Variants in CYP3A5 observed in about 807,000 individuals in gnomAD.
CYP3A5 encodes cytochrome P450 family 3 subfamily A member 5, also known as cytochrome P450 3A5.
CYP3A5 carries 51 observed loss-of-function variants against 55.9 expected under a neutral mutation model. The ratio of observed to expected loss-of-function variants is 0.91; its 90% CI spans 0.73 to 1.15. The LOEUF (loss-of-function observed/expected upper bound fraction) is 1.15, where lower values mean the gene tolerates loss of function less well. Among genes scored for constraint, CYP3A5 ranks in the 50% most tolerant of loss-of-function variants. The pLI, the probability that CYP3A5 is intolerant of heterozygous loss-of-function variation, is 0.00. For missense variants in CYP3A5, 533 were observed against 596.6 expected (o/e 0.89, Z 1.11); for synonymous variants, 196 against 213.9 (o/e 0.92, Z 0.73).
chr7:99,670,889 C>T (rs898316492), intron 4 of CYP3A5: 9 of 152,078 alleles, frequency 5.9e-5, no homozygotes, highest in African/African-American at 1.9e-4. Flanking sequence ...TCAAGTACCC[C>T]ACTAGTTTTA....
rs774576724 is a variant in CYP3A5, at chr7:99,672,710, T to G, written c.219-31A>C. On this transcript the variant is annotated intron_variant, in intron 3 of 12. Coordinates refer to ENST00000222982, the MANE Select transcript of CYP3A5 (RefSeq NM_000777.5). ...TGGGGACAACGGAGCTGATTAAACT[T>G]CACTAGCCCGATTCTGCAGCTGGAG... is the stretch of plus-strand genomic sequence containing the variant. The G allele has an allele frequency of 4.3e-6, 7 of 1,612,442 alleles. No individual in the cohort carries two copies. In the South Asian group the frequency reaches 7.7e-5, roughly 18 times the overall value.
At chr7:99,660,143 T>A in intron 10 of CYP3A5, 1 of 809,960 alleles carries the variant, frequency 1.2e-6, no homozygotes, top group Non-Finnish European at 1.5e-6. Flanking sequence ...AAATCATTCG[T>A]CTTCTGTGTT....
intron 10 of CYP3A5, among the ~76,000 whole-genome samples, chr7:99,655,418 G>A (rs1809609417): frequency 6.6e-6 from 1 of 152,186 alleles, no homozygotes; most frequent in Non-Finnish European, 1.5e-5. Context: ...TCAGGGCTCT[G>A]TTCTGCTCCA....
intron 11 of CYP3A5, among the ~76,000 whole-genome samples, chr7:99,651,758 G>C (rs902755883): frequency 6.6e-6 from 1 of 152,204 alleles, no homozygotes; most frequent in Admixed American, 6.5e-5. Context: ...TCCAGAGTGC[G>C]AACTGTGCCT....
intron 3 of CYP3A5, 155 bp from the exon 4 acceptor site, chr7:99,672,834 GAC>G: frequency 6.9e-7 from 1 of 1,456,066 alleles, no homozygotes; most frequent in Non-Finnish European, 9.1e-7. Flanking sequence ...ATTAGGGTGT[GAC>G]ACACAGCAAG....
chr7:99,663,890 A>G (rs1397910787), intron 8 of CYP3A5, 78 bp downstream of exon 8: 14 of 1,482,010 alleles, frequency 9.4e-6, no homozygotes, highest in Middle Eastern at 5.0e-4. Flanking sequence ...AAAAATACAG[A>G]TACATGCTCT....
In CYP3A5 at chr7:99,653,703, C is replaced by G. The variant is rs556036970; in HGVS notation, c.1027-924G>C. On this transcript the variant is annotated intron_variant, in intron 10 of 12. Transcript: ENST00000222982. The surrounding 1 kb of genome is among the most constrained non-coding windows in gnomAD (Gnocchi z 4.2). ...GGATGTAAATGTCCCTTTGTGTCTGCCTCACAGCCACACCAGGGTCAGCCC... is the reference window on the plus strand; with the variant it reads ...GGATGTAAATGTCCCTTTGTGTCTGGCTCACAGCCACACCAGGGTCAGCCC... Among the ~76,000 whole-genome samples the G allele has an allele frequency of 2.6e-5, 4 of 152,256 alleles. No homozygotes were observed. The highest frequency in any genetic ancestry group is 5.9e-5 in the Non-Finnish European group (4 of 68,016).
At chr7:99,677,213 C>T (rs878867258) in intron 1 of CYP3A5, 3 of 985,308 alleles carry the variant, frequency 3.0e-6, no homozygotes, top group Non-Finnish European at 3.6e-6. Context: ...GACCTTCCCC[C>T]TCCGGTGTGA....
At chr7:99,679,729 A>G (rs1812652446) in intron 1 of CYP3A5, 97 bp downstream of exon 1, 1 of 1,167,276 alleles carries the variant, frequency 8.6e-7, no homozygotes, top group African/African-American at 1.5e-5. Flanking sequence ...TTCTCCTTGA[A>G]CATCTCTTTT....
intron 4 of CYP3A5, 108 bp downstream of exon 4, chr7:99,672,472 C>A (rs1424128652): frequency 2.1e-6 from 2 of 949,636 alleles, no homozygotes; most frequent in African/African-American, 3.3e-5. Flanking sequence ...TACATGGAAC[C>A]TTCCTGTACA....
intron 7 of CYP3A5, among the ~76,000 whole-genome samples, chr7:99,664,301 A>C (rs1304687186): frequency 2.6e-5 from 4 of 152,226 alleles, no homozygotes; most frequent in Admixed American, 2.0e-4. Context: ...TACAGCAGTG[A>C]GATCAATGGC....
At chr7:99,675,630 T>TCCTCC (rs1563003644) in intron 2 of CYP3A5, among the ~76,000 whole-genome samples, 1 of 18,618 alleles carries the variant, frequency 5.4e-5, no homozygotes, top group Non-Finnish European at 1.3e-4. Context: ...TCCTTTTCTC[T>TCCTCC]CCTCTCCTCT....
intron 1 of CYP3A5, among the ~76,000 whole-genome samples, chr7:99,677,786 G>A: frequency 6.6e-6 from 1 of 152,180 alleles, no homozygotes; most frequent in East Asian, 1.9e-4. Flanking sequence ...TGTTGTCACA[G>A]CCATGTCAAA....
chr7:99,659,312 C>T, intron 10 of CYP3A5: 1 of 153,014 alleles, frequency 6.5e-6, no homozygotes, highest in Non-Finnish European at 1.5e-5. Context: ...TCCTCAGCTG[C>T]AGGTCTGTTG....
intron 9 of CYP3A5, 123 bp from the exon 10 acceptor site, chr7:99,660,782 C>T (rs1266422571): frequency 3.4e-6 from 4 of 1,180,560 alleles, no homozygotes; most frequent in Admixed American, 2.3e-5. Context: ...TTCAAAGTCA[C>T]ACTGGGAGTG....
intron 10 of CYP3A5, chr7:99,659,503 G>T (rs1002189016): frequency 6.5e-6 from 1 of 155,018 alleles, no homozygotes; most frequent in African/African-American, 2.4e-5. Context: ...GTGCCTCCCA[G>T]TTAGGCTGCT....
chr7:99,654,550 A>C (rs1287694895), intron 10 of CYP3A5, among the ~76,000 whole-genome samples: 1 of 152,234 alleles, frequency 6.6e-6, no homozygotes, highest in East Asian at 1.9e-4. Context: ...ATAAGTGTGC[A>C]TGTGTGTTTA....
chr7:99,650,323 C>T lies in CYP3A5; in HGVS notation c.1254-91G>A, dbSNP rs10224161. 371 of 1,197,740 alleles carry T rather than the reference C, an allele frequency of 3.1e-4. 2 individuals carry two copies. Among genetic ancestry groups the T allele is most frequent in the African/African-American group, 3.1e-3 (204 of 66,022 alleles). 74.2% of individuals were successfully genotyped at this position (1,197,740 alleles called of 1,614,324 possible). On this transcript the variant is annotated intron_variant, in intron 11 of 12. Transcript: ENST00000222982. ...GTTCTTACTTAAGAACAACCCCCCT[C>T]CACCTCCCAACCAGTAGTACACAGG... is the stretch of plus-strand genomic sequence containing the variant.
rs1808816771 is a variant in CYP3A5, at chr7:99,648,280, C to T, written c.*25G>A. ...TTCTGGGGCACAGCTTTCTTGAAGA[C>T]CAAAGTAGAAATCCTTAGAATAACT... is the stretch of plus-strand genomic sequence containing the variant. On this transcript the variant is annotated 3_prime_UTR_variant, in exon 13 of 13. Coordinates refer to ENST00000222982, the MANE Select transcript of CYP3A5 (RefSeq NM_000777.5). 6.2e-7 allele frequency: 1 copy of T among 1,602,030 alleles called. No individual in the cohort carries two copies. The highest frequency in any genetic ancestry group is 8.5e-7 in the Non-Finnish European group (1 of 1,174,524).
Sources: allele counts gnomAD v4.1 joint callset (sites outside exome capture counted in the v4.1 genomes callset), GRCh38; gene constraint gnomAD v4.1.1; non-coding constraint Gnocchi (gnomAD v3.1); transcripts MANE v1.5; gene names NCBI Gene and HGNC (gene_info 2026-07-23, HGNC 2026-07-21).